PBX1: variants seen among roughly 807,000 people sequenced by gnomAD.
PBX1 encodes the protein PBX homeobox 1, also known as pre-B-cell leukemia transcription factor 1.
A neutral mutation model predicts 53.4 loss-of-function variants in PBX1; 6 were observed. That is an observed-to-expected ratio of 0.11 (90% CI 0.06 to 0.22). PBX1 has a LOEUF of 0.22. PBX1 is among the 10% of genes least tolerant of loss of function. The pLI, the probability that PBX1 is intolerant of heterozygous loss-of-function variation, is 1.00. For missense variants in PBX1, 251 were observed against 551.4 expected (o/e 0.46, Z 5.46); for synonymous variants, 204 against 212.3 (o/e 0.96, Z 0.34).
intron 6 of PBX1, chr1:164,817,998 C>G (rs749624322): frequency 6.6e-6 from 1 of 152,144 alleles, no homozygotes; most frequent in Non-Finnish European, 1.5e-5. Flanking sequence ...ACTGAACACT[C>G]TGGGGAGTTG....
chr1:164,829,731 G>A (rs1347390101), intron 8 of PBX1: 2 of 151,298 alleles, frequency 1.3e-5, no homozygotes, highest in African/African-American at 4.9e-5. Flanking sequence ...TGCCTATGTA[G>A]CAAACCTGCA....
intron 2 of PBX1, among the ~76,000 whole-genome samples, chr1:164,669,177 A>C (rs533883201): frequency 6.6e-6 from 1 of 152,164 alleles, no homozygotes; most frequent in Admixed American, 6.5e-5. Flanking sequence ...GCTCTGAGAC[A>C]CGGAACACTA....
intron 2 of PBX1, among the ~76,000 whole-genome samples, chr1:164,645,144 A>G (rs1444303008): frequency 3.3e-5 from 5 of 152,186 alleles, no homozygotes; most frequent in African/African-American, 1.2e-4. Context: ...GGGTTTGGAA[A>G]TAAGGCCTCC....
chr1:164,835,428 A>G (rs1033861713), intron 8 of PBX1, among the ~76,000 whole-genome samples: 2 of 152,100 alleles, frequency 1.3e-5, no homozygotes, highest in South Asian at 2.1e-4. Flanking sequence ...ACTTCTATTA[A>G]TTTATGGTTC....
intron 2 of PBX1, among the ~76,000 whole-genome samples, chr1:164,638,740 A>T (rs183948406): frequency 6.6e-6 from 1 of 152,338 alleles, no homozygotes; most frequent in African/African-American, 2.4e-5. Flanking sequence ...TCACCGTCAC[A>T]CATGACATTC....
At chr1:164,724,670 A>ATTTTTTTTTTTTTTTTTTTTTTTT (rs59042806) in intron 2 of PBX1, among the ~76,000 whole-genome samples, 1 of 48,234 alleles carries the variant, frequency 2.1e-5, no homozygotes, top group East Asian at 5.2e-4. Context: ...ATAGCTGCAG[A>ATTTTTTTTTTTTTTTTTTTTTTTT]TTTTTTTTTT....
At chr1:164,764,484 T>C (rs914229327) in intron 2 of PBX1, among the ~76,000 whole-genome samples, 3 of 152,190 alleles carry the variant, frequency 2.0e-5, no homozygotes, top group African/African-American at 7.2e-5. Context: ...TGCAGTAATG[T>C]GGGGATGACC....
At chr1:164,670,295 C>A (rs1425483525) in intron 2 of PBX1, among the ~76,000 whole-genome samples, 3 of 152,172 alleles carry the variant, frequency 2.0e-5, no homozygotes, top group African/African-American at 2.4e-5. Flanking sequence ...TGGGGAGGAA[C>A]CTGGAGGCCA....
intron 2 of PBX1, among the ~76,000 whole-genome samples, chr1:164,863,771 T>A (rs1469927884): frequency 6.6e-6 from 1 of 152,070 alleles, no homozygotes; most frequent in African/African-American, 2.4e-5. Flanking sequence ...TGAATACAGA[T>A]CAGAGAGAGC....
chr1:164,798,088 C>G (rs1414100018), intron 3 of PBX1, among the ~76,000 whole-genome samples: 1 of 152,162 alleles, frequency 6.6e-6, no homozygotes, highest in Non-Finnish European at 1.5e-5. Flanking sequence ...AAAGGATGTG[C>G]CCAAATATTC....
intron 2 of PBX1, among the ~76,000 whole-genome samples, chr1:164,704,131 G>C (rs933180946): frequency 6.6e-6 from 1 of 152,110 alleles, no homozygotes; most frequent in African/African-American, 2.4e-5. Context: ...TAAAAAAAAA[G>C]TAAAGTAGTC....
rs116086272 is a variant in PBX1, at chr1:164,865,576, C to T, written n.258-33612C>T. Among the ~76,000 whole-genome samples, 439 of 152,318 alleles carry T rather than the reference C, an allele frequency of 2.9e-3. 1 individual carries two copies. The highest frequency in any genetic ancestry group is 9.8e-3 in the African/African-American group (406 of 41,558). ...CACATACTCAGTTCTCTCAACAGCT[C>T]TAAGTAGGTGCTATTATTATATTCA... On this transcript the variant is annotated intron_variant and non_coding_transcript_variant, in intron 2 of 2. Transcript: ENST00000558796.
intron 2 of PBX1, among the ~76,000 whole-genome samples, chr1:164,676,091 A>G (rs893918282): frequency 6.6e-6 from 1 of 152,190 alleles, no homozygotes; most frequent in African/African-American, 2.4e-5. Flanking sequence ...GGATTGAAGT[A>G]GCTTACTGCA....
At chr1:164,624,238 G>A (rs1657888097) in intron 2 of PBX1, among the ~76,000 whole-genome samples, 1 of 152,170 alleles carries the variant, frequency 6.6e-6, no homozygotes, top group Non-Finnish European at 1.5e-5. Context: ...ATCCTTACTT[G>A]CAATTTGTAA....
chr1:164,846,793 A>G lies in PBX1; in HGVS notation c.*117A>G, dbSNP rs1671592625. 1.9e-6 allele frequency: 3 copies of G among 1,567,758 alleles called. No homozygotes were observed. Among genetic ancestry groups the G allele is most frequent in the Non-Finnish European group, 2.6e-6 (3 of 1,156,822 alleles). Reference sequence around the variant, plus strand: ...CTGGAGGTCGAAGCAATCAGCAAACACAATAAGAGTCTCCTTCTCTTCTCT... The same window carrying G: ...CTGGAGGTCGAAGCAATCAGCAAACGCAATAAGAGTCTCCTTCTCTTCTCT... On this transcript the variant is annotated 3_prime_UTR_variant, in exon 9 of 9. Coordinates refer to ENST00000420696, the MANE Select transcript of PBX1 (RefSeq NM_002585.4).
At chr1:164,640,545 G>GTTTTTTTTTT (rs751957824) in intron 2 of PBX1, among the ~76,000 whole-genome samples, 1 of 115,278 alleles carries the variant, frequency 8.7e-6, no homozygotes, top group Non-Finnish European at 1.8e-5. Flanking sequence ...GTTTTTTGGT[G>GTTTTTTTTTT]TTTTTTTTTT....
At chr1:164,662,765 G>A (rs928424601) in intron 2 of PBX1, among the ~76,000 whole-genome samples, 12 of 152,104 alleles carry the variant, frequency 7.9e-5, no homozygotes, top group East Asian at 5.8e-4. Flanking sequence ...TACAGTCACC[G>A]TCACCTTGTA....
intron 7 of PBX1, among the ~76,000 whole-genome samples, chr1:164,820,982 G>A (rs1490874664): frequency 6.6e-6 from 1 of 152,164 alleles, no homozygotes; most frequent in Non-Finnish European, 1.5e-5. Context: ...CCTTTCTTGA[G>A]AAACATTGCC....
intron 2 of PBX1, among the ~76,000 whole-genome samples, chr1:164,860,229 A>G (rs1424897969): frequency 6.6e-6 from 1 of 152,178 alleles, no homozygotes; most frequent in Non-Finnish European, 1.5e-5. Flanking sequence ...ATGCAGGTGT[A>G]TAATTCCAAA....
Sources: gnomAD v4.1 joint callset for allele counts (sites outside exome capture counted in the v4.1 genomes callset) on GRCh38, gnomAD v4.1.1 for gene constraint, MANE v1.5 for transcripts, NCBI Gene and HGNC (gene_info 2026-07-23, HGNC 2026-07-21) for gene names.